PCDHGA3: variants seen among roughly 807,000 people sequenced by gnomAD.
PCDHGA3 encodes the protein protocadherin gamma-A3.
A neutral mutation model predicts 58.5 loss-of-function variants in PCDHGA3; 40 were observed. That is an observed-to-expected ratio of 0.68 (90% CI 0.53 to 0.89). The LOEUF is 0.89. Among genes scored for constraint, PCDHGA3 ranks in the 40% least tolerant of loss-of-function variants. The probability of loss-of-function intolerance (pLI) is 0.00; values close to 1 mark genes in which losing one functional copy is unlikely to be tolerated. For synonymous variants in PCDHGA3, 530 were observed against 525.7 expected (o/e 1.01, Z -0.11); for missense variants, 1,223 against 1,195.9 (o/e 1.02, Z -0.33).
In PCDHGA3 at chr5:141,477,074, A is replaced by G; in HGVS notation, c.2425-17733A>G. Reference sequence around the variant, plus strand: ...CTTCGAGGACACCAAACTCCATGAGATTTACATCCAGGCCAAAGACAAGGG... The same window carrying G: ...CTTCGAGGACACCAAACTCCATGAGGTTTACATCCAGGCCAAAGACAAGGG... On this transcript the variant is annotated intron_variant, in intron 1 of 3. Coordinates refer to ENST00000253812, the MANE Select transcript of PCDHGA3 (RefSeq NM_018916.4). This position sits in a 1 kb window ranked among gnomAD's most constrained non-coding sequence, Gnocchi z 4.9. 1 of 1,614,250 alleles carries G rather than the reference A, an allele frequency of 6.2e-7. No homozygotes were observed.
chr5:141,484,699 T>A (rs899065665), intron 1 of PCDHGA3, among the ~76,000 whole-genome samples: 4 of 151,966 alleles, frequency 2.6e-5, no homozygotes, highest in African/African-American at 9.7e-5. Flanking sequence ...GCTGTGGCTG[T>A]TTTCCCCGCC....
rs373558342 is a variant in PCDHGA3 at position 141,374,559 on chromosome 5, A to C, written c.2424+28102A>C. 1.1e-4 allele frequency: 170 copies of C among 1,613,544 alleles called. No homozygotes were observed. The highest frequency in any genetic ancestry group is 1.3e-4 in the Non-Finnish European group (153 of 1,179,694). ...CGTTTTCCACTAATGGAGGTCTATG[A>C]CCCTGATGTGGGAATGAACTCCCTT... is the stretch of plus-strand genomic sequence containing the variant. On this transcript the variant is annotated intron_variant, in intron 1 of 3. Coordinates refer to ENST00000253812, the MANE Select transcript of PCDHGA3 (RefSeq NM_018916.4).
intron 1 of PCDHGA3, chr5:141,413,663 A>T: frequency 6.2e-7 from 1 of 1,613,844 alleles, no homozygotes; most frequent in Non-Finnish European, 8.5e-7. Flanking sequence ...GAAGCTATTG[A>T]TCCGGATGTG....
At chr5:141,500,223 T>TTG (rs1227708024) in intron 2 of PCDHGA3, among the ~76,000 whole-genome samples, 1 of 145,320 alleles carries the variant, frequency 6.9e-6, no homozygotes, top group Non-Finnish European at 1.5e-5. Flanking sequence ...TTTATTTATT[T>TTG]ATTGATACGT....
intron 1 of PCDHGA3, chr5:141,362,171 G>A (rs62378417): frequency 2.4e-5 from 39 of 1,613,760 alleles, no homozygotes; most frequent in Non-Finnish European, 2.6e-5. Context: ...AGCGACCGCC[G>A]GGAGCCCTCT....
At position 141,385,228 on chromosome 5, in the gene PCDHGA3, GAC is replaced by G. The variant is rs1361009837; in HGVS notation, c.2424+38773_2424+38774del. 9 of 1,614,224 alleles carry G rather than the reference GAC, an allele frequency of 5.6e-6. No individual in the cohort carries two copies. The South Asian group carries it at 8.8e-5, about 16-fold the overall frequency. On this transcript the variant is annotated intron_variant, in intron 1 of 3. Transcript: ENST00000253812. ...GATCTTCCCCCAGCCCAACTATGTAGACATGCTCATCAGCCAGGAGAGCTGTG... is the reference window on the plus strand; with the variant it reads ...GATCTTCCCCCAGCCCAACTATGTAGATGCTCATCAGCCAGGAGAGCTGTG...
At position 141,409,019 on chromosome 5, in the gene PCDHGA3, G is replaced by T; in HGVS notation, c.2424+62562G>T. 2.5e-6 allele frequency: 4 copies of T among 1,613,996 alleles called. No homozygotes were observed. The South Asian group carries it at 3.3e-5, about 13-fold the overall frequency. On this transcript the variant is annotated intron_variant, in intron 1 of 3. Coordinates refer to ENST00000253812, the MANE Select transcript of PCDHGA3 (RefSeq NM_018916.4). The stretch of plus-strand genomic sequence containing the variant: ...GACAGCCACTGACCAGGATGAGGGG[G>T]TCAATGCTGAGATAAACTACTACTT...
At chr5:141,352,309 A>G (rs1363928868) in intron 1 of PCDHGA3, 1 of 1,613,958 alleles carries the variant, frequency 6.2e-7, no homozygotes, top group East Asian at 2.2e-5. Flanking sequence ...CCCAGACGGA[A>G]CTGCAGTTTT....
chr5:141,399,491 T>A, intron 1 of PCDHGA3: 1 of 1,614,022 alleles, frequency 6.2e-7, no homozygotes, highest in African/African-American at 1.3e-5. Flanking sequence ...TCCTACTTAG[T>A]CAGTGTACCC....
intron 1 of PCDHGA3, chr5:141,351,542 C>T (rs1758747155): frequency 1.2e-6 from 2 of 1,613,944 alleles, no homozygotes; most frequent in South Asian, 1.1e-5. Flanking sequence ...CAAACCAGCC[C>T]TTTCCTCCAG....
At chr5:141,388,923 T>G (rs374663443) in intron 1 of PCDHGA3, 2 of 1,614,002 alleles carry the variant, frequency 1.2e-6, no homozygotes, top group Admixed American at 1.7e-5. Context: ...AGAAGTGATA[T>G]TCCAGTCTCT....
chr5:141,408,153 C>T, intron 1 of PCDHGA3: 4 of 1,509,360 alleles, frequency 2.7e-6, no homozygotes, highest in Non-Finnish European at 3.6e-6. Context: ...CGGTAGAGTG[C>T]ACTTTCTCCA....
rs755732164 is a variant in PCDHGA3 at position 141,375,200 on chromosome 5, G to T, written c.2424+28743G>T. ...AGTAATCGCCCTTTTTCAAGTGTTC[G>T]ATCGAGACTCTGGCCTGAATGGCCT... On this transcript the variant is annotated intron_variant, in intron 1 of 3. Coordinates refer to ENST00000253812, the MANE Select transcript of PCDHGA3 (RefSeq NM_018916.4). 8.1e-6 allele frequency: 13 copies of T among 1,613,822 alleles called. No individual in the cohort carries two copies. Among genetic ancestry groups the T allele is most frequent in the East Asian group, 2.2e-5 (1 of 44,902 alleles).
chr5:141,385,991 T>C (rs1044328038), intron 1 of PCDHGA3: 1 of 152,222 alleles, frequency 6.6e-6, no homozygotes, highest in East Asian at 1.9e-4. Context: ...ATATGTCAAA[T>C]AAAATGTCAT....
At chr5:141,371,242 A>T in intron 1 of PCDHGA3, 1 of 1,614,034 alleles carries the variant, frequency 6.2e-7, no homozygotes, top group South Asian at 1.1e-5. Context: ...GCCTTCATCA[A>T]TATTGGCAAG....
intron 1 of PCDHGA3, chr5:141,365,243 C>T: frequency 6.2e-7 from 1 of 1,613,982 alleles, no homozygotes; most frequent in Non-Finnish European, 8.5e-7. Context: ...CTCAACTCTA[C>T]AATCACTGGA....
intron 1 of PCDHGA3, among the ~76,000 whole-genome samples, chr5:141,358,057 G>A (rs2149799917): frequency 6.6e-6 from 1 of 152,298 alleles, no homozygotes; most frequent in East Asian, 1.9e-4. Flanking sequence ...AGGCGTGGTG[G>A]TGTGTGCCCG....
intron 1 of PCDHGA3, among the ~76,000 whole-genome samples, chr5:141,451,062 T>C (rs1292296274): frequency 1.3e-5 from 2 of 151,500 alleles, no homozygotes; most frequent in Non-Finnish European, 2.9e-5. Flanking sequence ...ACTCCTGACC[T>C]TGTGATCCAC....
At chr5:141,382,013 G>C (rs1000379234) in intron 1 of PCDHGA3, among the ~76,000 whole-genome samples, 1 of 151,580 alleles carries the variant, frequency 6.6e-6, no homozygotes, top group Admixed American at 6.6e-5. Flanking sequence ...ATTTTTAGTA[G>C]AGACGGGGTT....
Sources: allele counts gnomAD v4.1 joint callset (sites outside exome capture counted in the v4.1 genomes callset), GRCh38; gene constraint gnomAD v4.1.1; non-coding constraint Gnocchi (gnomAD v3.1); transcripts MANE v1.5; gene names NCBI Gene and HGNC (gene_info 2026-07-23, HGNC 2026-07-21).